The following TRPC4AP variants were observed in gnomAD, a reference collection of about 807,000 sequenced individuals.
The protein encoded by TRPC4AP is short transient receptor potential channel 4-associated protein.
In TRPC4AP, 45 loss-of-function variants were observed where a neutral mutation model predicts 99.0. That is an observed-to-expected ratio of 0.45 (90% CI 0.36 to 0.58). The LOEUF is 0.58. Ranked by LOEUF, TRPC4AP falls within the 20% of genes least tolerant of loss-of-function variation. The pLI is 0.00. For missense variants in TRPC4AP, 879 were observed against 985.3 expected (o/e 0.89, Z 1.44); for synonymous variants, 408 against 385.8 (o/e 1.06, Z -0.67).
chr20:35,080,438 T>C (rs544939247), intron 1 of TRPC4AP, among the ~76,000 whole-genome samples: 1 of 150,308 alleles, frequency 6.7e-6, no homozygotes, highest in East Asian at 2.0e-4. Flanking sequence ...GAGGCAGAGG[T>C]TGCAGTGAGC....
chr20:35,003,419 G>A lies in TRPC4AP; in HGVS notation c.2247C>T (p.Cys749=), dbSNP rs1453386703. ...AGGGTGGGGCACTCACGTTCTCTAG[G>A]CAGGTGCTGTCCTTGTCCTTGTGCA... ...HYLHKDKDST[C]LENSSCISFS... The change falls in exon 18 of 19, where the codon TGC becomes TGT. Residue 749 remains cysteine (C), a synonymous_variant. Coordinates refer to ENST00000252015, the MANE Select transcript of TRPC4AP (RefSeq NM_015638.3). 1.3e-5 allele frequency: 21 copies of A among 1,614,138 alleles called. No individual in the cohort carries two copies. Among genetic ancestry groups the A allele is most frequent in the Non-Finnish European group, 1.8e-5 (21 of 1,180,022 alleles).
chr20:35,039,425 C>T (rs2083399636), intron 7 of TRPC4AP, among the ~76,000 whole-genome samples: 1 of 152,232 alleles, frequency 6.6e-6, no homozygotes. Flanking sequence ...GCAACTCATA[C>T]ACAATCTCAT....
At chr20:35,061,755 C>A (rs1244021733) in intron 3 of TRPC4AP, among the ~76,000 whole-genome samples, 2 of 152,088 alleles carry the variant, frequency 1.3e-5, no homozygotes, top group Non-Finnish European at 2.9e-5. Context: ...ATATAAAATT[C>A]TCAGAAGAAT....
chr20:35,080,523 G>C (rs1252852079), intron 1 of TRPC4AP, among the ~76,000 whole-genome samples: 1 of 99,214 alleles, frequency 1.0e-5, no homozygotes, highest in Non-Finnish European at 2.0e-5. Flanking sequence ...AAAACAAAGC[G>C]AGACTCCATC....
chr20:35,017,614 G>A (rs1040552981), intron 9 of TRPC4AP, among the ~76,000 whole-genome samples: 1 of 152,126 alleles, frequency 6.6e-6, no homozygotes, highest in Non-Finnish European at 1.5e-5. Flanking sequence ...AGACCAGCCT[G>A]GGTAAGGTCA....
Position 35,051,234 on chromosome 20 carries a change from G to A in TRPC4AP, c.529-1240C>T, listed in dbSNP as rs368334558. On this transcript the variant is annotated intron_variant, in intron 5 of 18. Coordinates refer to ENST00000252015, the MANE Select transcript of TRPC4AP (RefSeq NM_015638.3). Reference sequence around the variant, plus strand: ...TGCAGACACACACAGTTTGGTAAATGGGAACCCCAAGCTAGGAGGCATTTC... The same window carrying A: ...TGCAGACACACACAGTTTGGTAAATAGGAACCCCAAGCTAGGAGGCATTTC... Among the ~76,000 whole-genome samples, 72 of 152,242 alleles carry A rather than the reference G, an allele frequency of 4.7e-4. 1 individual carries two copies. In the South Asian group the frequency reaches 8.3e-3, roughly 18 times the overall value.
At chr20:35,037,596 C>G (rs2083350055) in intron 7 of TRPC4AP, among the ~76,000 whole-genome samples, 1 of 152,172 alleles carries the variant, frequency 6.6e-6, no homozygotes, top group Non-Finnish European at 1.5e-5. Context: ...GAATGAAGTA[C>G]TGACATGCTA....
chr20:35,057,396 T>C (rs1340064214), intron 4 of TRPC4AP, 118 bp downstream of exon 4: 2 of 784,964 alleles, frequency 2.5e-6, no homozygotes, highest in African/African-American at 1.8e-5. Context: ...TGTAGCTAAA[T>C]GTAAGACATG....
chr20:35,025,198 G>A (rs1312730306), intron 8 of TRPC4AP, among the ~76,000 whole-genome samples: 2 of 152,004 alleles, frequency 1.3e-5, no homozygotes, highest in East Asian at 1.9e-4. Context: ...ATCATTGTGG[G>A]GTTTGTTTTT....
chr20:35,030,971 G>C (rs776476593), intron 8 of TRPC4AP, among the ~76,000 whole-genome samples: 10 of 152,156 alleles, frequency 6.6e-5, no homozygotes, highest in Non-Finnish European at 1.3e-4. Flanking sequence ...TTAATTTCCA[G>C]ATGTTTGTCT....
chr20:35,062,838 G>T (rs770262899), intron 3 of TRPC4AP, among the ~76,000 whole-genome samples: 12 of 152,040 alleles, frequency 7.9e-5, no homozygotes, highest in Non-Finnish European at 1.5e-4. Flanking sequence ...CTTTTAAATG[G>T]GTGACTTGTA....
At chr20:35,056,708 C>T (rs370366867) in intron 4 of TRPC4AP, among the ~76,000 whole-genome samples, 4 of 151,848 alleles carry the variant, frequency 2.6e-5, no homozygotes, top group African/African-American at 4.8e-5. Context: ...AAGCTGGGTG[C>T]GGTGGCTCAT....
rs150231202 is a variant in TRPC4AP at position 35,086,431 on chromosome 20, A to ATGTGTG, written c.168+6177_168+6182dup. Among the ~76,000 whole-genome samples the ATGTGTG allele has an allele frequency of 3.3e-3, 361 of 109,520 alleles. 19 individuals are homozygous for ATGTGTG. The highest frequency in any genetic ancestry group is 0.023 in the South Asian group (70 of 3,056). The allele number at this position is 109,520 out of a possible 152,430, so 71.8% of individuals were successfully genotyped here. A position where few individuals can be genotyped will look rare whatever the true frequency, so the allele number is the denominator to read the frequency against. ...AACTTCCCATTGAAATGAATGGCAT[A>ATGTGTG]TGTGTGTGTGTGTGTGTGTGTGTGT... On this transcript the variant is annotated intron_variant, in intron 1 of 18. Coordinates refer to ENST00000252015, the MANE Select transcript of TRPC4AP (RefSeq NM_015638.3).
intron 7 of TRPC4AP, among the ~76,000 whole-genome samples, chr20:35,043,876 T>C (rs1393260566): frequency 6.6e-6 from 1 of 152,186 alleles, no homozygotes; most frequent in African/African-American, 2.4e-5. Context: ...GAGATTAGTG[T>C]CTATACATCA....
intron 8 of TRPC4AP, among the ~76,000 whole-genome samples, chr20:35,025,747 T>C (rs182832223): frequency 4.4e-4 from 67 of 152,308 alleles, no homozygotes; most frequent in South Asian, 2.9e-3. Context: ...ACTTTCCTCA[T>C]TGTGTTTTCT....
intron 3 of TRPC4AP, among the ~76,000 whole-genome samples, chr20:35,062,257 AAC>A (rs2084025888): frequency 6.6e-6 from 1 of 152,218 alleles, no homozygotes; most frequent in African/African-American, 2.4e-5. Context: ...TTAAAAATTA[AAC>A]AGAGTTACCA....
At chr20:35,040,110 T>C (rs2083413876) in intron 7 of TRPC4AP, among the ~76,000 whole-genome samples, 1 of 149,282 alleles carries the variant, frequency 6.7e-6, no homozygotes, top group African/African-American at 2.4e-5. Context: ...AATTCATACG[T>C]TGAAGCTCTA....
rs1426940169 is a variant in TRPC4AP, at chr20:35,002,455, C to CTGTT, written c.*687_*690dup. 10 of 377,386 alleles carry CTGTT rather than the reference C, an allele frequency of 2.6e-5. No homozygotes were observed. Among genetic ancestry groups the CTGTT allele is most frequent in the Middle Eastern group, 6.8e-4 (1 of 1,474 alleles). 23.4% of individuals were successfully genotyped at this position (377,386 alleles called of 1,614,324 possible). A position where few individuals can be genotyped will look rare whatever the true frequency, so the allele number is the denominator to read the frequency against. Reference sequence around the variant, plus strand: ...AGTCTCCATTTAATTGGTTTATTTGCTGTTAATAAATTGGCAACACAAGGA... The same window carrying CTGTT: ...AGTCTCCATTTAATTGGTTTATTTGCTGTTTGTTAATAAATTGGCAACACAAGGA... On this transcript the variant is annotated 3_prime_UTR_variant, in exon 19 of 19. Coordinates refer to ENST00000252015, the MANE Select transcript of TRPC4AP (RefSeq NM_015638.3).
intron 8 of TRPC4AP, among the ~76,000 whole-genome samples, chr20:35,023,462 A>G (rs1457996836): frequency 1.3e-5 from 2 of 152,204 alleles, no homozygotes; most frequent in East Asian, 3.8e-4. Context: ...ATTCTTTTTC[A>G]TCTCCAAGCT....
Sources: gnomAD v4.1 joint callset for allele counts (sites outside exome capture counted in the v4.1 genomes callset) on GRCh38, gnomAD v4.1.1 for gene constraint, MANE v1.5 for transcripts, NCBI Gene and HGNC (gene_info 2026-07-23, HGNC 2026-07-21) for gene names.